Variants in HYDIN observed in about 807,000 individuals in gnomAD.
The protein encoded by HYDIN is axonemal central pair apparatus protein HYDIN.
Under a neutral mutation model 403.9 loss-of-function variants are expected in HYDIN, and 132 were observed. That is an observed-to-expected ratio of 0.33 (90% confidence interval 0.28 to 0.38). HYDIN has a LOEUF of 0.38. Ranked by LOEUF, HYDIN falls within the 10% of genes least tolerant of loss-of-function variation. The probability of loss-of-function intolerance (pLI) is 1.00; values close to 1 mark genes in which losing one functional copy is unlikely to be tolerated. For synonymous variants in HYDIN, 1,202 were observed against 1,891.7 expected, an observed-to-expected ratio of 0.64 and a Z score of 9.46; for missense variants, 2,827 against 5,009.5, an observed-to-expected ratio of 0.56 and a Z score of 13.15.
chr16:71,006,587 T>A (rs539881505), intron 23 of HYDIN, among the ~76,000 whole-genome samples: 1 of 152,160 alleles, frequency 6.6e-6, no homozygotes. Context: ...GGTATGATTA[T>A]CACTAAAAAT....
intron 23 of HYDIN, among the ~76,000 whole-genome samples, chr16:71,016,225 T>C (rs2080253396): frequency 6.6e-6 from 1 of 151,988 alleles, no homozygotes; most frequent in Non-Finnish European, 1.5e-5. Context: ...ACCATATATC[T>C]GATAAGGGGT....
chr16:71,194,208 C>T (rs976746387), intron 1 of HYDIN, among the ~76,000 whole-genome samples: 4 of 152,038 alleles, frequency 2.6e-5, no homozygotes, highest in African/African-American at 7.2e-5. Flanking sequence ...GTCAGGAGAT[C>T]GAGACCATTG....
intron 29 of HYDIN, among the ~76,000 whole-genome samples, chr16:70,980,129 C>T (rs1444572487): frequency 6.7e-6 from 1 of 150,192 alleles, no homozygotes; most frequent in East Asian, 1.9e-4. Flanking sequence ...GTTTTCCTTC[C>T]TGAAATTATA....
At chr16:71,028,424 A>T (rs2080789719) in intron 19 of HYDIN, among the ~76,000 whole-genome samples, 2 of 152,056 alleles carry the variant, frequency 1.3e-5, no homozygotes, top group Admixed American at 1.3e-4. Flanking sequence ...TTGCAATTTC[A>T]TGTATTCATT....
In HYDIN at chr16:71,215,425, T is replaced by TC. The variant is rs1384777552; in HGVS notation, c.-24+15136_-24+15137insG. Among the ~76,000 whole-genome samples the TC allele has an allele frequency of 2.6e-5, 4 of 152,300 alleles. No homozygotes were observed. In the South Asian group the frequency reaches 6.2e-4, roughly 24 times the overall value. ...GAATGTACAAGAAATATGATAGCACTATTTGAAAATCATCACACTGCCACT... is the reference window on the plus strand; with the variant it reads ...GAATGTACAAGAAATATGATAGCACTCATTTGAAAATCATCACACTGCCACT... On this transcript the variant is annotated intron_variant, in intron 1 of 85. Coordinates refer to ENST00000393567, the MANE Select transcript of HYDIN (RefSeq NM_001270974.2).
intron 1 of HYDIN, among the ~76,000 whole-genome samples, chr16:71,190,956 C>T (rs923166246): frequency 5.9e-5 from 9 of 151,928 alleles, no homozygotes; most frequent in African/African-American, 2.2e-4. Flanking sequence ...TCACAATAAA[C>T]ATAGCATGAA....
intron 4 of HYDIN, among the ~76,000 whole-genome samples, chr16:71,176,094 A>C (rs1301242672): frequency 1.3e-5 from 2 of 152,112 alleles, no homozygotes; most frequent in Non-Finnish European, 2.9e-5. Context: ...TCACGAGGTC[A>C]GGAGATCAAG....
chr16:70,818,680 T>C (rs1385124817), intron 83 of HYDIN, 108 bp from the exon 84 acceptor site: 1 of 606,032 alleles, frequency 1.7e-6, no homozygotes, highest in Non-Finnish European at 3.0e-6. Flanking sequence ...GTTTGGCACA[T>C]GAAGCACAGG....
chr16:71,229,874 C>T (rs566499417), intron 1 of HYDIN, among the ~76,000 whole-genome samples: 1 of 152,310 alleles, frequency 6.6e-6, no homozygotes, highest in Non-Finnish European at 1.5e-5. Flanking sequence ...TGAATTATAA[C>T]TCCCATAATC....
At chr16:70,854,463 A>G (rs1040917545) in intron 73 of HYDIN, among the ~76,000 whole-genome samples, 1 of 149,940 alleles carries the variant, frequency 6.7e-6, no homozygotes, top group Non-Finnish European at 1.5e-5. Context: ...CACCCTGGCC[A>G]GAGTGCAGTG....
intron 5 of HYDIN, among the ~76,000 whole-genome samples, chr16:71,165,374 G>A (rs115921346): frequency 6.6e-6 from 1 of 151,558 alleles, no homozygotes; most frequent in Non-Finnish European, 1.5e-5. Flanking sequence ...GCGATCCACT[G>A]TCTCCCCGAG....
At chr16:71,027,533 C>T (rs1347849074) in intron 20 of HYDIN, 69 bp downstream of exon 20, 7 of 1,574,366 alleles carry the variant, frequency 4.4e-6, no homozygotes, top group Non-Finnish European at 6.0e-6. Context: ...AGGGACTTTC[C>T]TAAGAAATAG....
intron 8 of HYDIN, among the ~76,000 whole-genome samples, chr16:71,130,958 C>G (rs2084690227): frequency 7.5e-6 from 1 of 132,746 alleles, no homozygotes; most frequent in Non-Finnish European, 1.6e-5. Context: ...TTGCCCCCAC[C>G]AGAGCTATGT....
chr16:70,914,436 C>A (rs1238780853), intron 47 of HYDIN, among the ~76,000 whole-genome samples: 1 of 150,774 alleles, frequency 6.6e-6, no homozygotes, highest in South Asian at 2.1e-4. Flanking sequence ...GCTGATACTT[C>A]TTTTGTTTGA....
intron 8 of HYDIN, among the ~76,000 whole-genome samples, chr16:71,134,305 G>C (rs1477019902): frequency 6.6e-6 from 1 of 151,470 alleles, no homozygotes; most frequent in African/African-American, 2.5e-5. Flanking sequence ...TAGAAAAACA[G>C]TGGACAGGCT....
intron 23 of HYDIN, among the ~76,000 whole-genome samples, chr16:71,016,097 T>G (rs2080249297): frequency 6.6e-6 from 1 of 151,844 alleles, no homozygotes; most frequent in African/African-American, 2.4e-5. Context: ...AAGAAAATTC[T>G]GCAGCAACAA....
intron 58 of HYDIN, among the ~76,000 whole-genome samples, chr16:70,888,158 A>G (rs12149481): frequency 6.6e-6 from 1 of 152,282 alleles, no homozygotes; most frequent in African/African-American, 2.4e-5. Flanking sequence ...ATAATTGCTC[A>G]TTGAAACATT....
chr16:71,074,354 C>T (rs371810228), intron 13 of HYDIN, among the ~76,000 whole-genome samples: 2 of 149,152 alleles, frequency 1.3e-5, no homozygotes, highest in African/African-American at 5.0e-5. Flanking sequence ...CTCATTAACG[C>T]CTCCCTACTT....
intron 10 of HYDIN, among the ~76,000 whole-genome samples, chr16:71,098,220 G>C (rs1304898088): frequency 1.5e-5 from 1 of 65,226 alleles, no homozygotes; most frequent in African/African-American, 4.9e-5. Context: ...TTTTTTTTTT[G>C]AGATGGAGTC....
Sources: gnomAD v4.1 joint callset for allele counts (sites outside exome capture counted in the v4.1 genomes callset) on GRCh38, gnomAD v4.1.1 for gene constraint, MANE v1.5 for transcripts, NCBI Gene and HGNC (gene_info 2026-07-23, HGNC 2026-07-21) for gene names.